The following SYNPO2 variants were observed in gnomAD, a reference collection of about 807,000 sequenced individuals.
SYNPO2 encodes synaptopodin-2.
Under a neutral mutation model 85.0 loss-of-function variants are expected in SYNPO2, and 56 were observed. The ratio of observed to expected loss-of-function variants is 0.66; its 90% CI spans 0.53 to 0.82. The LOEUF (loss-of-function observed/expected upper bound fraction) is 0.82, where lower values mean the gene tolerates loss of function less well. Ranked by LOEUF, SYNPO2 falls within the 40% of genes least tolerant of loss-of-function variation. The pLI, the probability that SYNPO2 is intolerant of heterozygous loss-of-function variation, is 0.00. For synonymous variants in SYNPO2, 602 were observed against 591.1 expected (o/e 1.02, Z -0.27); for missense variants, 1,575 against 1,534.2 (o/e 1.03, Z -0.44).
At chr4:118,989,669 A>G (rs1736339185) in intron 1 of SYNPO2, among the ~76,000 whole-genome samples, 1 of 152,248 alleles carries the variant, frequency 6.6e-6, no homozygotes, top group Non-Finnish European at 1.5e-5. Flanking sequence ...AATATCATTG[A>G]TTCATCATGA....
intron 1 of SYNPO2, among the ~76,000 whole-genome samples, chr4:118,932,133 TA>T (rs1460552795): frequency 6.6e-6 from 1 of 152,164 alleles, no homozygotes; most frequent in Non-Finnish European, 1.5e-5. Flanking sequence ...CTGACTGAAA[TA>T]GGATCATTTC....
chr4:119,000,352 C>T (rs984174773), intron 1 of SYNPO2, among the ~76,000 whole-genome samples: 1 of 152,144 alleles, frequency 6.6e-6, no homozygotes, highest in African/African-American at 2.4e-5. Context: ...TCTCCTTTCA[C>T]TCTTTCTTTG....
chr4:119,053,955 C>T (rs933692871), intron 4 of SYNPO2, among the ~76,000 whole-genome samples: 1 of 152,154 alleles, frequency 6.6e-6, no homozygotes, highest in African/African-American at 2.4e-5. Flanking sequence ...TTGCCATCCC[C>T]TCAGCCTTCT....
At chr4:118,879,236 A>G (rs917636859) in intron 1 of SYNPO2, among the ~76,000 whole-genome samples, 1 of 152,238 alleles carries the variant, frequency 6.6e-6, no homozygotes, top group Non-Finnish European at 1.5e-5. Flanking sequence ...TCATTGTTGA[A>G]GTCAGGGAGA....
At position 118,868,048 on chromosome 4, in the gene SYNPO2, TAA is replaced by T. The variant is rs34145856; in HGVS notation, c.12+17123_12+17124del. 3.3e-3 allele frequency among the ~76,000 whole-genome samples: 485 copies of T among 146,224 alleles called. 3 individuals carry two copies. The highest frequency in any genetic ancestry group is 0.012 in the African/African-American group (463 of 39,746). On this transcript the variant is annotated intron_variant, in intron 1 of 4. Coordinates refer to the SYNPO2 transcript ENST00000610556. ...AATCTACTCCTCCCCTCCTTTCATT[TAA>T]AAAAAAAAAAAAAACTACGTATTTA...
chr4:118,997,608 G>A (rs1736668185), intron 1 of SYNPO2, among the ~76,000 whole-genome samples: 1 of 152,204 alleles, frequency 6.6e-6, no homozygotes, highest in Admixed American at 6.5e-5. Context: ...TCAGAACAAA[G>A]TCTGTGAGTT....
chr4:118,959,856 A>G (rs921730484), intron 1 of SYNPO2, among the ~76,000 whole-genome samples: 1 of 124,668 alleles, frequency 8.0e-6, no homozygotes, highest in African/African-American at 2.7e-5. Context: ...GTGACCCACA[A>G]AAGGATTTGT....
chr4:118,951,629 A>G (rs917331715), intron 1 of SYNPO2, among the ~76,000 whole-genome samples: 17 of 152,204 alleles, frequency 1.1e-4, no homozygotes, highest in Non-Finnish European at 2.5e-4. Context: ...CAACAAAATG[A>G]ATACAACATT....
intron 1 of SYNPO2, among the ~76,000 whole-genome samples, chr4:119,022,232 G>A (rs1248350767): frequency 4.6e-5 from 7 of 152,066 alleles, no homozygotes; most frequent in African/African-American, 1.2e-4. Flanking sequence ...TAGTCATGGC[G>A]TTTCATTCAC....
At chr4:118,885,887 AC>A (rs1732190673), upstream of SYNPO2, among the ~76,000 whole-genome samples, 1 of 152,254 alleles carries the variant, frequency 6.6e-6, no homozygotes, top group African/African-American at 2.4e-5. Context: ...ATTAGGGCAG[AC>A]AAATTCGGGC....
At chr4:118,954,307 CT>C (rs961995573) in intron 1 of SYNPO2, among the ~76,000 whole-genome samples, 3 of 152,000 alleles carry the variant, frequency 2.0e-5, no homozygotes, top group Admixed American at 6.6e-5. Context: ...AGTGCTTTCT[CT>C]TTTTTTTCTC....
chr4:118,903,116 A>G (rs940651579), intron 1 of SYNPO2, among the ~76,000 whole-genome samples: 2 of 152,150 alleles, frequency 1.3e-5, no homozygotes, highest in African/African-American at 4.8e-5. Context: ...AGATAAAAAA[A>G]ATATTGGAAT....
At chr4:119,038,515 T>C (rs1428300761) in intron 4 of SYNPO2, 1 of 985,326 alleles carries the variant, frequency 1.0e-6, no homozygotes, top group African/African-American at 1.7e-5. Context: ...AAACTCTGCA[T>C]AAAAGGAAGT....
At chr4:118,993,132 A>C (rs1736469301) in intron 1 of SYNPO2, among the ~76,000 whole-genome samples, 1 of 152,246 alleles carries the variant, frequency 6.6e-6, no homozygotes, top group Non-Finnish European at 1.5e-5. Flanking sequence ...AGAATTACTT[A>C]CATTGTCAAT....
chr4:119,048,391 T>C (rs1738935995), intron 4 of SYNPO2, among the ~76,000 whole-genome samples: 1 of 152,258 alleles, frequency 6.6e-6, no homozygotes, highest in Non-Finnish European at 1.5e-5. Context: ...AAGCACCTAC[T>C]ATTCTGGTGC....
chr4:118,874,159 A>G (rs1268898623), intron 1 of SYNPO2, among the ~76,000 whole-genome samples: 2 of 152,202 alleles, frequency 1.3e-5, no homozygotes, highest in African/African-American at 4.8e-5. Context: ...TTATGTTATT[A>G]GACATTTTAA....
chr4:118,881,314 A>G (rs1054769372), intron 1 of SYNPO2, among the ~76,000 whole-genome samples: 24 of 151,430 alleles, frequency 1.6e-4, no homozygotes, highest in Admixed American at 5.3e-4. Context: ...AAAAAAAAAA[A>G]AAGAAGAAGA....
intron 1 of SYNPO2, among the ~76,000 whole-genome samples, chr4:119,006,930 A>G (rs1427809145): frequency 6.6e-6 from 1 of 151,600 alleles, no homozygotes; most frequent in Non-Finnish European, 1.5e-5. Flanking sequence ...AAATTACCTC[A>G]TATTTCTTCA....
intron 4 of SYNPO2, among the ~76,000 whole-genome samples, chr4:119,055,239 C>T (rs1381079308): frequency 2.0e-5 from 3 of 152,006 alleles, no homozygotes; most frequent in Non-Finnish European, 4.4e-5. Context: ...ACAACTTCTG[C>T]CTCCTGGGTT....
Sources: allele counts gnomAD v4.1 joint callset (sites outside exome capture counted in the v4.1 genomes callset), GRCh38; gene constraint gnomAD v4.1.1; transcripts MANE v1.5; gene names NCBI Gene and HGNC (gene_info 2026-07-23, HGNC 2026-07-21).